The following ATP9A variants were observed in gnomAD, a reference collection of about 807,000 sequenced individuals.
ATP9A encodes probable phospholipid-transporting ATPase IIA.
In ATP9A, 52 loss-of-function variants were observed where a neutral mutation model predicts 144.1. That is an observed-to-expected ratio of 0.36 (90% CI 0.29 to 0.45). The LOEUF is 0.45. Ranked by LOEUF, ATP9A falls within the 20% of genes least tolerant of loss-of-function variation. The pLI, the probability that ATP9A is intolerant of heterozygous loss-of-function variation, is 1.00. For synonymous variants in ATP9A, 582 were observed against 557.4 expected, an observed-to-expected ratio of 1.04 and a Z score of -0.62; for missense variants, 947 against 1,392.7, an observed-to-expected ratio of 0.68 and a Z score of 5.09.
At chr20:51,737,176 A>G (rs2077766337) in intron 1 of ATP9A, among the ~76,000 whole-genome samples, 1 of 152,188 alleles carries the variant, frequency 6.6e-6, no homozygotes, top group African/African-American at 2.4e-5. Context: ...TGCATCCTGC[A>G]CTACCATGAA....
At chr20:51,766,881 G>T (rs1320584867) in intron 1 of ATP9A, among the ~76,000 whole-genome samples, 1 of 151,948 alleles carries the variant, frequency 6.6e-6, no homozygotes, top group Non-Finnish European at 1.5e-5. Context: ...GCAAAACAGA[G>T]AAGGGAGGAG....
In ATP9A at chr20:51,634,579, G is replaced by T. The variant is rs148442457; in HGVS notation, c.1668+4764C>A. On this transcript the variant is annotated intron_variant, in intron 15 of 27. Transcript: ENST00000338821. ...CATAAAAATCCCCTAACATAGGGCCGAGCGTGGCGGCTCACTTCTGTATCC... is the reference window on the plus strand; with the variant it reads ...CATAAAAATCCCCTAACATAGGGCCTAGCGTGGCGGCTCACTTCTGTATCC... Among the ~76,000 whole-genome samples, 508 of 152,196 alleles carry T rather than the reference G, an allele frequency of 3.3e-3. 4 individuals carry two copies. The highest frequency in any genetic ancestry group is 0.021 in the Middle Eastern group (6 of 292).
At chr20:51,714,133 TTGACCTCG>T (rs2077651723) in intron 3 of ATP9A, among the ~76,000 whole-genome samples, 1 of 152,002 alleles carries the variant, frequency 6.6e-6, no homozygotes, top group Non-Finnish European at 1.5e-5. Flanking sequence ...TCTCGATCTC[TTGACCTCG>T]TGATCCGCCC....
intron 4 of ATP9A, 83 bp downstream of exon 4, chr20:51,712,883 C>G: frequency 7.9e-7 from 1 of 1,262,374 alleles, no homozygotes; most frequent in African/African-American, 1.5e-5. Context: ...CACCTGCGGC[C>G]CGGGCCTTGA....
intron 25 of ATP9A, 76 bp from the exon 26 acceptor site, chr20:51,607,660 T>C (rs1333009582): frequency 5.0e-6 from 6 of 1,206,814 alleles, no homozygotes; most frequent in Non-Finnish European, 7.3e-6. Flanking sequence ...TTTCACGTTA[T>C]TCTCCCGCTA....
intron 1 of ATP9A, among the ~76,000 whole-genome samples, chr20:51,733,378 C>T (rs1300982323): frequency 6.6e-6 from 1 of 151,564 alleles, no homozygotes; most frequent in Non-Finnish European, 1.5e-5. Context: ...ATTCCTCATG[C>T]CTTTTTTTTT....
intron 1 of ATP9A, among the ~76,000 whole-genome samples, chr20:51,742,716 T>C (rs1461929159): frequency 1.3e-5 from 2 of 152,128 alleles, no homozygotes; most frequent in East Asian, 1.9e-4. Context: ...CGTTTCACCA[T>C]GTTGGCCAGG....
chr20:51,694,981 G>T (rs1443618627), intron 6 of ATP9A, among the ~76,000 whole-genome samples: 1 of 152,126 alleles, frequency 6.6e-6, no homozygotes, highest in Non-Finnish European at 1.5e-5. Context: ...TTCAAAGGCT[G>T]TTTTAATCTA....
At chr20:51,671,039 C>A in intron 12 of ATP9A, 76 bp downstream of exon 12, 1 of 1,553,016 alleles carries the variant, frequency 6.4e-7, no homozygotes. Flanking sequence ...CCAGAGAGAG[C>A]CCAAGAATTT....
At chr20:51,635,204 C>G (rs529020116) in intron 15 of ATP9A, among the ~76,000 whole-genome samples, 119 of 152,298 alleles carry the variant, frequency 7.8e-4, no homozygotes, top group Non-Finnish European at 7.5e-4. Context: ...GGGAGGCCCT[C>G]GTGGGAAGGC....
chr20:51,610,399 T>C (rs937997467), intron 23 of ATP9A, among the ~76,000 whole-genome samples: 1 of 152,216 alleles, frequency 6.6e-6, no homozygotes, highest in Non-Finnish European at 1.5e-5. Context: ...AGAGGGTACG[T>C]GGCTTGCCCA....
intron 4 of ATP9A, among the ~76,000 whole-genome samples, chr20:51,707,749 C>T (rs896136824): frequency 1.3e-5 from 2 of 152,164 alleles, no homozygotes; most frequent in African/African-American, 4.8e-5. Flanking sequence ...CAGGCCTGAA[C>T]GCCTCACTGG....
chr20:51,658,921 A>G (rs1011642575), intron 13 of ATP9A, among the ~76,000 whole-genome samples: 10 of 116,868 alleles, frequency 8.6e-5, no homozygotes, highest in African/African-American at 3.3e-4. Flanking sequence ...ATTGTTGAAC[A>G]CAAGCCAAAT....
chr20:51,754,980 T>A (rs1601146880), intron 1 of ATP9A, among the ~76,000 whole-genome samples: 1 of 148,896 alleles, frequency 6.7e-6, no homozygotes. Context: ...TAGCCAGGTA[T>A]GGTGGCATAC....
At chr20:51,641,984 G>A (rs1055764794) in intron 14 of ATP9A, among the ~76,000 whole-genome samples, 1 of 148,892 alleles carries the variant, frequency 6.7e-6, no homozygotes, top group Admixed American at 6.7e-5. Flanking sequence ...TGAGAGGAAA[G>A]TGGGAGGGCC....
intron 1 of ATP9A, among the ~76,000 whole-genome samples, chr20:51,750,667 G>A (rs2077827562): frequency 6.6e-6 from 1 of 152,202 alleles, no homozygotes; most frequent in Non-Finnish European, 1.5e-5. Flanking sequence ...CCCTCTTGTA[G>A]ATGAGGACAC....
At chr20:51,710,195 C>A (rs2077631672) in intron 4 of ATP9A, among the ~76,000 whole-genome samples, 1 of 152,026 alleles carries the variant, frequency 6.6e-6, no homozygotes, top group Admixed American at 6.6e-5. Flanking sequence ...CCCAGCTACT[C>A]AGGAGGCTGA....
chr20:51,604,541 A>G (rs962990802), intron 27 of ATP9A, among the ~76,000 whole-genome samples: 1 of 152,240 alleles, frequency 6.6e-6, no homozygotes, highest in Non-Finnish European at 1.5e-5. Context: ...TGGCCCAAAA[A>G]AGGTGACAGA....
At chr20:51,692,010 G>C (rs2077550472) in intron 7 of ATP9A, among the ~76,000 whole-genome samples, 1 of 152,156 alleles carries the variant, frequency 6.6e-6, no homozygotes, top group Admixed American at 6.6e-5. Flanking sequence ...ACAAAAACTA[G>C]GTGATTCCAC....
Sources: allele counts gnomAD v4.1 joint callset (sites outside exome capture counted in the v4.1 genomes callset), GRCh38; gene constraint gnomAD v4.1.1; transcripts MANE v1.5; gene names NCBI Gene and HGNC (gene_info 2026-07-23, HGNC 2026-07-21).